Variants in PLCG2 observed in about 807,000 individuals in gnomAD.
PLCG2 encodes the protein 1-phosphatidylinositol 4,5-bisphosphate phosphodiesterase gamma-2.
A neutral mutation model predicts 175.6 loss-of-function variants in PLCG2; 69 were observed. That is an observed-to-expected ratio of 0.39 (90% CI 0.32 to 0.48). The LOEUF is 0.48. Among genes scored for constraint, PLCG2 ranks in the 20% least tolerant of loss-of-function variants. The pLI is 0.91. For missense variants in PLCG2, 1,798 were observed against 1,650.9 expected (o/e 1.09, Z -1.54); for synonymous variants, 827 against 624.0 (o/e 1.33, Z -4.85).
Position 81,744,706 on chromosome 16 carries a change from G to C in PLCG2, c.-145+5321G>C, listed in dbSNP as rs1248411124. ...CCTACCTCAGCCTCTTGAGTAGCTG[G>C]GTCTACAGGCATGGGTCACCATACC... On this transcript the variant is annotated intron_variant, in intron 1 of 5. Coordinates refer to the PLCG2 transcript ENST00000565054. 2.0e-5 allele frequency among the ~76,000 whole-genome samples: 3 copies of C among 152,132 alleles called. No homozygotes were observed. The East Asian group carries it at 5.8e-4, about 29-fold the overall frequency.
intron 2 of PLCG2, among the ~76,000 whole-genome samples, chr16:81,802,173 C>G (rs564032092): frequency 8.1e-6 from 1 of 123,054 alleles, no homozygotes; most frequent in Admixed American, 1.1e-4. Context: ...AGTGCAGTGG[C>G]GCTATCTTGG....
chr16:81,859,425 T>A (rs531441667), intron 5 of PLCG2, among the ~76,000 whole-genome samples: 2 of 152,358 alleles, frequency 1.3e-5, no homozygotes, highest in East Asian at 3.9e-4. Flanking sequence ...TCACAAATAT[T>A]TGAGCACCTT....
intron 6 of PLCG2, among the ~76,000 whole-genome samples, chr16:81,870,555 G>C (rs989582762): frequency 5.3e-5 from 8 of 152,198 alleles, no homozygotes; most frequent in African/African-American, 9.6e-5. Flanking sequence ...GTCTTACTTG[G>C]TAGGTGTCTC....
chr16:81,923,240 C>CTAACCCT (rs1305863209), intron 21 of PLCG2, among the ~76,000 whole-genome samples: 5 of 151,974 alleles, frequency 3.3e-5, no homozygotes, highest in African/African-American at 4.8e-5. Flanking sequence ...CTCCTAACCC[C>CTAACCCT]TAACCCTTAA....
At chr16:81,906,242 A>G (rs957468958) in intron 15 of PLCG2, 2 of 152,232 alleles carry the variant, frequency 1.3e-5, no homozygotes, top group Admixed American at 1.3e-4. Context: ...GCTGCCGTGC[A>G]TTTAGGTTGT....
chr16:81,758,801 C>A (rs1364106274), intron 2 of PLCG2, among the ~76,000 whole-genome samples: 1 of 152,042 alleles, frequency 6.6e-6, no homozygotes, highest in Non-Finnish European at 1.5e-5. Context: ...CCTCAGCCTC[C>A]CGAGTAGCTG....
At chr16:81,785,216 C>T (rs1382413925) in intron 1 of PLCG2, among the ~76,000 whole-genome samples, 1 of 152,158 alleles carries the variant, frequency 6.6e-6, no homozygotes, top group Non-Finnish European at 1.5e-5. Flanking sequence ...CAAGCATAAA[C>T]AGCAATCAAG....
chr16:81,825,036 G>A lies in PLCG2; in HGVS notation c.194-29408G>A, dbSNP rs141488015. Among the ~76,000 whole-genome samples, 676 of 152,320 alleles carry A rather than the reference G, an allele frequency of 4.4e-3. 7 individuals carry two copies. The highest frequency in any genetic ancestry group is 0.027 in the South Asian group (128 of 4,828). On this transcript the variant is annotated intron_variant, in intron 2 of 32. Transcript: ENST00000564138. ...GAAATGCAGGTGGCCTCTAGAGCTG[G>A]GAAAGGCAATGGGTGGATTCCCCCT...
intron 12 of PLCG2, chr16:81,895,484 C>T (rs868139665): frequency 2.4e-5 from 6 of 253,574 alleles, no homozygotes; most frequent in African/African-American, 4.5e-5. Flanking sequence ...TGCTTCAACC[C>T]GGGAGGCGGA....
chr16:81,866,350 C>CT (rs1408590817), intron 5 of PLCG2, among the ~76,000 whole-genome samples: 11 of 136,956 alleles, frequency 8.0e-5, no homozygotes, highest in Non-Finnish European at 1.4e-4. Context: ...TGGCCTCTCC[C>CT]TTGCTCCCAG....
intron 9 of PLCG2, among the ~76,000 whole-genome samples, chr16:81,884,330 A>G (rs1046443601): frequency 2.0e-5 from 3 of 152,128 alleles, no homozygotes; most frequent in Non-Finnish European, 4.4e-5. Flanking sequence ...CAGCCTGGGC[A>G]ACAGAGCAAG....
chr16:81,797,763 C>G (rs1029687764), intron 2 of PLCG2, among the ~76,000 whole-genome samples: 1 of 152,202 alleles, frequency 6.6e-6, no homozygotes, highest in Non-Finnish European at 1.5e-5. Flanking sequence ...CACTCGTGGT[C>G]CTGGCACTTA....
At chr16:81,876,016 C>CTTTTTTTTTTTTTTTTTTT (rs547152035) in intron 7 of PLCG2, among the ~76,000 whole-genome samples, 6 of 114,994 alleles carry the variant, frequency 5.2e-5, no homozygotes, top group East Asian at 2.7e-4. Context: ...CTTTTTCTTT[C>CTTTTTTTTTTTTTTTTTTT]TTTTTTTTTT....
intron 7 of PLCG2, among the ~76,000 whole-genome samples, chr16:81,874,981 T>TTTTG: frequency 6.8e-6 from 1 of 146,290 alleles, no homozygotes; most frequent in African/African-American, 2.5e-5. Context: ...TTTTTTTATT[T>TTTTG]GAGACAGAGT....
intron 13 of PLCG2, 81 bp downstream of exon 13, chr16:81,896,008 A>G (rs1282677081): frequency 1.0e-5 from 15 of 1,507,500 alleles, no homozygotes; most frequent in African/African-American, 1.4e-5. Flanking sequence ...AGACAGGCAA[A>G]CACACACAGA....
intron 30 of PLCG2, 108 bp from the exon 31 acceptor site, chr16:81,946,067 T>C (rs1911137042): frequency 1.2e-6 from 1 of 817,756 alleles, no homozygotes; most frequent in Admixed American, 1.8e-5. Context: ...GGGCACTGAC[T>C]TCTCTACCCT....
intron 19 of PLCG2, among the ~76,000 whole-genome samples, chr16:81,913,827 G>A (rs568815701): frequency 6.6e-6 from 1 of 152,288 alleles, no homozygotes; most frequent in East Asian, 1.9e-4. Context: ...CCCCCTGGGC[G>A]TTTGGATTTC....
intron 2 of PLCG2, among the ~76,000 whole-genome samples, chr16:81,809,705 A>G (rs142287797): frequency 3.7e-4 from 56 of 151,492 alleles, no homozygotes; most frequent in African/African-American, 1.1e-3. Flanking sequence ...GTGTGTGCCT[A>G]TGCATGTGTC....
intron 2 of PLCG2, among the ~76,000 whole-genome samples, chr16:81,808,217 C>A (rs1050758328): frequency 1.3e-5 from 2 of 152,184 alleles, no homozygotes. Context: ...CTACATTTAA[C>A]CTTTTGAGGC....
Sources: allele counts gnomAD v4.1 joint callset (sites outside exome capture counted in the v4.1 genomes callset), GRCh38; gene constraint gnomAD v4.1.1; transcripts MANE v1.5; gene names NCBI Gene and HGNC (gene_info 2026-07-23, HGNC 2026-07-21).